The following NCAM1 variants were observed in gnomAD, a reference collection of about 807,000 sequenced individuals.
NCAM1 encodes neural cell adhesion molecule 1.
In NCAM1, 14 loss-of-function variants were observed where a neutral mutation model predicts 109.8. That is an observed-to-expected ratio of 0.13 (90% CI 0.08 to 0.20). The LOEUF is 0.20. NCAM1 is among the 10% of genes least tolerant of loss of function. The pLI, the probability that NCAM1 is intolerant of heterozygous loss-of-function variation, is 1.00. For synonymous variants in NCAM1, 418 were observed against 442.9 expected, an observed-to-expected ratio of 0.94 and a Z score of 0.70; for missense variants, 774 against 1,109.9, an observed-to-expected ratio of 0.70 and a Z score of 4.30.
In NCAM1 at chr11:113,121,537, C is replaced by CAAAAAAAAAAAAAAAAAA. The variant is rs3051887; in HGVS notation, c.53-80838_53-80821dup. 3.2e-5 allele frequency among the ~76,000 whole-genome samples: 3 copies of CAAAAAAAAAAAAAAAAAA among 92,434 alleles called. 1 individual carries two copies. Among genetic ancestry groups the CAAAAAAAAAAAAAAAAAA allele is most frequent in the Non-Finnish European group, 5.9e-5 (3 of 50,752 alleles). 60.6% of individuals were successfully genotyped at this position (92,434 alleles called of 152,430 possible). ...TGCCTGGCCAACACCACCAATCTTA[C>CAAAAAAAAAAAAAAAAAA]AAAAAAAAAAAAAAAAAAAAAGGCA... On this transcript the variant is annotated intron_variant, in intron 1 of 19. Coordinates refer to ENST00000316851, the MANE Select transcript of NCAM1 (RefSeq NM_181351.5).
chr11:113,224,173 C>T (rs1944767049), intron 9 of NCAM1, among the ~76,000 whole-genome samples: 1 of 152,218 alleles, frequency 6.6e-6, no homozygotes, highest in South Asian at 2.1e-4. Context: ...CAGGGAATTC[C>T]CTTTTCTAGC....
At chr11:113,075,626 A>G (rs1938494726) in intron 1 of NCAM1, among the ~76,000 whole-genome samples, 1 of 152,134 alleles carries the variant, frequency 6.6e-6, no homozygotes. Context: ...ATAGGGCTAC[A>G]TTGGGAGAAT....
At chr11:113,157,896 C>T (rs1036586915) in intron 1 of NCAM1, among the ~76,000 whole-genome samples, 19 of 151,754 alleles carry the variant, frequency 1.3e-4, no homozygotes, top group Non-Finnish European at 2.6e-4. Context: ...TGAAGAAAAT[C>T]CAGCCTCACA....
At position 113,233,443 on chromosome 11, in the gene NCAM1, C is replaced by A; in HGVS notation, c.1693+126C>A. On this transcript the variant is annotated intron_variant, in intron 13 of 19. Coordinates refer to ENST00000316851, the MANE Select transcript of NCAM1 (RefSeq NM_181351.5). The surrounding 1 kb of genome is among the most constrained non-coding windows in gnomAD (Gnocchi z 4.5). ...TGCACCTCCAGAATTAGGTCAAAGT[C>A]ATATCTGCCTGTAGAGTTGTTGCCC... is the stretch of plus-strand genomic sequence containing the variant. 9.6e-7 allele frequency: 1 copy of A among 1,046,922 alleles called. No individual in the cohort carries two copies. Among genetic ancestry groups the A allele is most frequent in the Non-Finnish European group, 1.4e-6 (1 of 720,826 alleles). The allele number at this position is 1,046,922 out of a possible 1,614,324, so 64.9% of individuals were successfully genotyped here. A position where few individuals can be genotyped will look rare whatever the true frequency, so the allele number is the denominator to read the frequency against.
intron 1 of NCAM1, among the ~76,000 whole-genome samples, chr11:113,056,070 A>G (rs547635316): frequency 2.3e-4 from 34 of 144,694 alleles, no homozygotes; most frequent in African/African-American, 8.6e-4. Flanking sequence ...AATACTATTC[A>G]TCTAGAAAAA....
chr11:113,209,783 A>G (rs1418525265), intron 7 of NCAM1, among the ~76,000 whole-genome samples: 3 of 152,232 alleles, frequency 2.0e-5, no homozygotes, highest in African/African-American at 4.8e-5. Context: ...TGAAATGACA[A>G]CACATTATTA....
intron 1 of NCAM1, among the ~76,000 whole-genome samples, chr11:112,984,726 C>T (rs1951249623): frequency 6.6e-6 from 1 of 151,812 alleles, no homozygotes; most frequent in East Asian, 1.9e-4. Context: ...AGATCCTTTG[C>T]CCATTTTTAA....
chr11:113,228,782 A>G (rs1370666991), intron 9 of NCAM1, among the ~76,000 whole-genome samples: 1 of 152,232 alleles, frequency 6.6e-6, no homozygotes, highest in African/African-American at 2.4e-5. Context: ...AATGCCACAC[A>G]TCTACAACTA....
chr11:112,962,841 C>G lies in NCAM1; in HGVS notation c.52+1177C>G, dbSNP rs1025091992. Among the ~76,000 whole-genome samples the G allele has an allele frequency of 2.0e-5, 3 of 152,078 alleles. No homozygotes were observed. Among genetic ancestry groups the G allele is most frequent in the South Asian group, 2.1e-4 (1 of 4,832 alleles). ...GAAGAAAAGCAGGGGCCGCAGAGAG[C>G]TGGGTGGGTTGGGCGGACATTCTGG... On this transcript the variant is annotated intron_variant, in intron 1 of 19. Coordinates refer to ENST00000316851, the MANE Select transcript of NCAM1 (RefSeq NM_181351.5). The surrounding 1 kb of genome is among the most constrained non-coding windows in gnomAD (Gnocchi z 5.6).
intron 1 of NCAM1, among the ~76,000 whole-genome samples, chr11:113,053,184 T>C (rs1555082069): frequency 6.6e-6 from 1 of 152,220 alleles, no homozygotes. Flanking sequence ...TGCATTAGTT[T>C]GCTGAGGATA....
intron 14 of NCAM1, among the ~76,000 whole-genome samples, chr11:113,239,002 C>T (rs1945251715): frequency 6.6e-6 from 1 of 152,198 alleles, no homozygotes; most frequent in Non-Finnish European, 1.5e-5. Flanking sequence ...GGGTTGCTTT[C>T]TTGGTTCTTT....
chr11:113,058,051 G>A (rs1555082882), intron 1 of NCAM1, among the ~76,000 whole-genome samples: 2 of 152,128 alleles, frequency 1.3e-5, no homozygotes, highest in South Asian at 2.1e-4. Context: ...TTGGGAGGCC[G>A]AGGTGGGCGT....
intron 1 of NCAM1, among the ~76,000 whole-genome samples, chr11:112,970,469 T>C (rs1395716132): frequency 2.0e-5 from 3 of 152,150 alleles, no homozygotes; most frequent in Admixed American, 2.0e-4. Context: ...CCAATGAAAG[T>C]ATCTTGCTTA....
At chr11:113,076,032 A>G (rs1430396068) in intron 1 of NCAM1, among the ~76,000 whole-genome samples, 3 of 152,212 alleles carry the variant, frequency 2.0e-5, no homozygotes, top group African/African-American at 7.2e-5. Context: ...TGTCTTCACC[A>G]TTGGTTCAAA....
intron 15 of NCAM1, among the ~76,000 whole-genome samples, chr11:113,248,949 A>G (rs955574042): frequency 6.6e-6 from 1 of 152,162 alleles, no homozygotes; most frequent in Non-Finnish European, 1.5e-5. Flanking sequence ...GCTTCCTCCA[A>G]TGACTCCACG....
At chr11:113,240,249 T>C (rs1357068253) in intron 14 of NCAM1, among the ~76,000 whole-genome samples, 2 of 152,234 alleles carry the variant, frequency 1.3e-5, no homozygotes. Context: ...CATACACTAG[T>C]ACACATTAGG....
At chr11:113,026,126 G>A (rs148537144) in intron 1 of NCAM1, among the ~76,000 whole-genome samples, 43 of 152,230 alleles carry the variant, frequency 2.8e-4, no homozygotes, top group Middle Eastern at 6.8e-3. Context: ...ATATTTCAAA[G>A]GAATTACAAA....
chr11:113,048,620 A>G (rs1290905505), intron 1 of NCAM1, among the ~76,000 whole-genome samples: 1 of 152,202 alleles, frequency 6.6e-6, no homozygotes, highest in African/African-American at 2.4e-5. Flanking sequence ...TGAGTAAAGG[A>G]CTGTGCTTTG....
rs1939355113 is a variant in NCAM1, at chr11:113,091,787, T to TG, written c.53-110590dup. 2.6e-5 allele frequency among the ~76,000 whole-genome samples: 4 copies of TG among 152,192 alleles called. No individual in the cohort carries two copies. The South Asian group carries it at 8.3e-4, about 32-fold the overall frequency. On this transcript the variant is annotated intron_variant, in intron 1 of 19. Coordinates refer to ENST00000316851, the MANE Select transcript of NCAM1 (RefSeq NM_181351.5). ...AAACTTAAGAATGGAAAAAATTAGGTGGCTTGCCTAATAGTCGTGAAGGCG... is the reference window on the plus strand; with the variant it reads ...AAACTTAAGAATGGAAAAAATTAGGTGGGCTTGCCTAATAGTCGTGAAGGCG...
Sources: gnomAD v4.1 joint callset for allele counts (sites outside exome capture counted in the v4.1 genomes callset) on GRCh38, gnomAD v4.1.1 for gene constraint, Gnocchi (gnomAD v3.1) non-coding constraint, MANE v1.5 for transcripts, NCBI Gene and HGNC (gene_info 2026-07-23, HGNC 2026-07-21) for gene names.